The following ZMYM4 variants were observed in gnomAD, a reference collection of about 807,000 sequenced individuals.
The protein encoded by ZMYM4 is zinc finger MYM-type protein 4.
A neutral mutation model predicts 183.2 loss-of-function variants in ZMYM4; 31 were observed. That is an observed-to-expected ratio of 0.17 (90% CI 0.13 to 0.23). The LOEUF is 0.23. Among genes scored for constraint, ZMYM4 ranks in the 10% least tolerant of loss-of-function variants. The pLI is 1.00. For missense variants in ZMYM4, 1,273 were observed against 1,840.3 expected, an observed-to-expected ratio of 0.69 and a Z score of 5.64; for synonymous variants, 592 against 631.2, an observed-to-expected ratio of 0.94 and a Z score of 0.93.
intron 2 of ZMYM4, among the ~76,000 whole-genome samples, chr1:35,354,162 GA>G (rs1041745668): frequency 6.6e-6 from 1 of 151,488 alleles, no homozygotes; most frequent in African/African-American, 2.4e-5. Flanking sequence ...AAGAAAGAAA[GA>G]AAAAAAAGAA....
intron 2 of ZMYM4, among the ~76,000 whole-genome samples, chr1:35,340,246 A>G (rs921960921): frequency 5.9e-5 from 9 of 152,144 alleles, no homozygotes; most frequent in South Asian, 2.1e-4. Flanking sequence ...TAAATCTTCA[A>G]TGTCTTTGAA....
chr1:35,385,421 GTTGT>G lies in ZMYM4; in HGVS notation c.1570-18_1570-15del. The G allele has an allele frequency of 6.3e-7, 1 of 1,592,378 alleles. No homozygotes were observed. The highest frequency in any genetic ancestry group is 8.5e-7 in the Non-Finnish European group (1 of 1,173,992). ...TACTAGGAATTTGTTAAAAATGAATGTTGTTTTATTCTCTTAATAGAAATCAGCC... is the reference window on the plus strand; with the variant it reads ...TACTAGGAATTTGTTAAAAATGAATGTTTATTCTCTTAATAGAAATCAGCC... On this transcript the variant is annotated splice_polypyrimidine_tract_variant and intron_variant, in intron 9 of 29. Coordinates refer to ENST00000314607, the MANE Select transcript of ZMYM4 (RefSeq NM_005095.3).
intron 7 of ZMYM4, among the ~76,000 whole-genome samples, chr1:35,377,998 C>A (rs528777963): frequency 1.1e-4 from 17 of 152,322 alleles, no homozygotes; most frequent in African/African-American, 3.6e-4. Context: ...TACTTTAAAT[C>A]CTTTGGTGTC....
chr1:35,361,986 C>G (rs998810705), intron 5 of ZMYM4, among the ~76,000 whole-genome samples, 197 bp downstream of exon 5: 4 of 152,174 alleles, frequency 2.6e-5, no homozygotes, highest in Admixed American at 2.6e-4. Context: ...GTAATTAAGG[C>G]TTTTAATCAT....
rs762384503 is a variant in ZMYM4, at chr1:35,359,290, A to G, written c.451A>G (p.Ile151Val). Residue 151 changes from isoleucine to valine, a missense_variant, in exon 3 of 30, where the codon ATA becomes GTA. Transcript: ENST00000314607. ...TGATCAGGTTTCTGTCTTTAAATCA[A>G]TACGGAAAGATTTTAGTCTAGTAAG... is the stretch of plus-strand genomic sequence containing the variant. ...QFDQVSVFKS[I>V]RKDFSLVREN... is the part of the protein sequence containing the mutation. 6.8e-6 allele frequency: 11 copies of G among 1,608,738 alleles called. No individual in the cohort carries two copies. The highest frequency in any genetic ancestry group is 1.1e-5 in the South Asian group (1 of 89,336).
chr1:35,417,254 A>C (rs1042490237), intron 28 of ZMYM4, among the ~76,000 whole-genome samples: 2 of 151,414 alleles, frequency 1.3e-5, no homozygotes, highest in Non-Finnish European at 3.0e-5. Context: ...AAAAAAAAAA[A>C]GAAAGAAAAC....
chr1:35,338,870 T>C (rs1004410623), intron 2 of ZMYM4, among the ~76,000 whole-genome samples: 5 of 152,278 alleles, frequency 3.3e-5, no homozygotes, highest in African/African-American at 1.2e-4. Context: ...TTACCAGTTA[T>C]AGATGGTGCG....
chr1:35,363,270 G>A (rs566508322), intron 5 of ZMYM4, among the ~76,000 whole-genome samples: 4 of 152,236 alleles, frequency 2.6e-5, no homozygotes, highest in Non-Finnish European at 5.9e-5. Flanking sequence ...GTGAGCCACC[G>A]TGCCTGGTCA....
rs577323366 is a variant in ZMYM4 at position 35,300,031 on chromosome 1, G to A, written c.40-25329G>A. Among the ~76,000 whole-genome samples the A allele has an allele frequency of 4.6e-5, 7 of 152,122 alleles. No individual in the cohort carries two copies. The East Asian group carries it at 1.2e-3, about 25-fold the overall frequency. On this transcript the variant is annotated intron_variant, in intron 1 of 29. Coordinates refer to ENST00000314607, the MANE Select transcript of ZMYM4 (RefSeq NM_005095.3). The stretch of plus-strand genomic sequence containing the variant: ...AGGATGGTCTCGATCTCCTGACCTC[G>A]TGATCCGCCCACCTTGGCCTCCCAA...
chr1:35,351,265 A>T, intron 2 of ZMYM4: 1 of 1,579,666 alleles, frequency 6.3e-7, no homozygotes, highest in East Asian at 2.2e-5. Flanking sequence ...TTCCCTGGTT[A>T]TGATTCTGAA....
intron 1 of ZMYM4, among the ~76,000 whole-genome samples, chr1:35,280,691 T>G (rs1314842932): frequency 6.6e-6 from 1 of 152,164 alleles, no homozygotes; most frequent in Non-Finnish European, 1.5e-5. Context: ...GTTCCTTGAT[T>G]TGTGGTAGAT....
chr1:35,404,921 T>C lies in ZMYM4; in HGVS notation c.3529-102T>C, dbSNP rs1020352690. The C allele has an allele frequency of 4.0e-5, 48 of 1,195,770 alleles. No individual in the cohort carries two copies. The African/African-American group carries it at 7.1e-4, about 18-fold the overall frequency. 74.1% of individuals were successfully genotyped at this position (1,195,770 alleles called of 1,614,324 possible). A position where few individuals can be genotyped will look rare whatever the true frequency, so the allele number is the denominator to read the frequency against. ...GAATCTTTAGGATATAAAACTAAAT[T>C]CTTTATTCTACAAATGTATACCCTT... On this transcript the variant is annotated intron_variant, in intron 23 of 29. Coordinates refer to ENST00000314607, the MANE Select transcript of ZMYM4 (RefSeq NM_005095.3).
chr1:35,419,084 G>A (rs1640234916), intron 29 of ZMYM4, among the ~76,000 whole-genome samples: 1 of 152,152 alleles, frequency 6.6e-6, no homozygotes, highest in South Asian at 2.1e-4. Context: ...CTTCCAATAT[G>A]TGGTGCTTGG....
chr1:35,401,688 A>C (rs116156977), intron 23 of ZMYM4, among the ~76,000 whole-genome samples: 2,534 of 152,174 alleles, frequency 0.017, 64 homozygotes, highest in African/African-American at 0.057. Flanking sequence ...TTTTTGCCTA[A>C]CTCATAGTAA....
chr1:35,404,909 A>C, intron 23 of ZMYM4, 114 bp from the exon 24 acceptor site: 1 of 1,063,316 alleles, frequency 9.4e-7, no homozygotes, highest in East Asian at 2.5e-5. Flanking sequence ...TCTTTAGGAT[A>C]TAAAACTAAA....
intron 1 of ZMYM4, among the ~76,000 whole-genome samples, chr1:35,275,987 G>A (rs1042458132): frequency 5.3e-5 from 8 of 151,796 alleles, no homozygotes; most frequent in Admixed American, 2.0e-4. Flanking sequence ...CATCTTTCTG[G>A]CCTCCTAGAA....
intron 2 of ZMYM4, among the ~76,000 whole-genome samples, chr1:35,343,088 T>G (rs1643262619): frequency 6.6e-6 from 1 of 152,206 alleles, no homozygotes; most frequent in South Asian, 2.1e-4. Flanking sequence ...ACATCTGTAT[T>G]TCTCTCTCCG....
At chr1:35,315,017 C>T (rs1297828602) in intron 1 of ZMYM4, among the ~76,000 whole-genome samples, 2 of 148,430 alleles carry the variant, frequency 1.3e-5, no homozygotes, top group African/African-American at 5.0e-5. Context: ...AGCAAGACTC[C>T]ATCTCAAAAA....
chr1:35,366,916 C>T (rs1374931215), intron 5 of ZMYM4, among the ~76,000 whole-genome samples: 2 of 151,094 alleles, frequency 1.3e-5, no homozygotes, highest in African/African-American at 2.4e-5. Flanking sequence ...CACAGCTACT[C>T]GGGAGACTGA....
Sources: gnomAD v4.1 joint callset for allele counts (sites outside exome capture counted in the v4.1 genomes callset) on GRCh38, gnomAD v4.1.1 for gene constraint, MANE v1.5 for transcripts, NCBI Gene and HGNC (gene_info 2026-07-23, HGNC 2026-07-21) for gene names.